Variants in CROCC2 observed in about 807,000 individuals in gnomAD.
CROCC2 encodes the protein ciliary rootlet coiled-coil, rootletin family member 2.
CROCC2 carries 163 observed loss-of-function variants against 177.6 expected under a neutral mutation model. The ratio of observed to expected loss-of-function variants is 0.92; its 90% CI spans 0.81 to 1.05. CROCC2 has a LOEUF of 1.05. Ranked by LOEUF, CROCC2 falls within the 50% of genes least tolerant of loss-of-function variation. The pLI, the probability that CROCC2 is intolerant of heterozygous loss-of-function variation, is 0.00. For synonymous variants in CROCC2, 904 were observed against 787.3 expected, an observed-to-expected ratio of 1.15 and a Z score of -2.48; for missense variants, 1,929 against 1,797.8, an observed-to-expected ratio of 1.07 and a Z score of -1.32.
At position 240,954,675 on chromosome 2, in the gene CROCC2, G is replaced by C. The variant is rs181777969; in HGVS notation, c.2830-1184G>C. 7.2e-5 allele frequency: 11 copies of C among 152,326 alleles called. No individual in the cohort carries two copies. In the East Asian group the frequency reaches 2.1e-3, roughly 29 times the overall value. The allele number at this position is 152,326 out of a possible 1,614,324, so 9.4% of individuals were successfully genotyped here. ...GTGTAACGTGATCGGTGGAGTGATT[G>C]GTTAGGTGATTGAAGCCCACTTCTC... On this transcript the variant is annotated intron_variant, in intron 18 of 31. Coordinates refer to ENST00000690015, the MANE Select transcript of CROCC2 (RefSeq NM_001351305.2).
chr2:240,935,218 C>A, intron 13 of CROCC2, 140 bp from the exon 14 acceptor site: 1 of 1,196,742 alleles, frequency 8.4e-7, no homozygotes. Flanking sequence ...CCTGGCCAGG[C>A]CTGAGGGAGG....
chr2:240,935,124 T>A, intron 13 of CROCC2, 62 bp downstream of exon 13: 1 of 1,323,824 alleles, frequency 7.6e-7, no homozygotes, highest in Non-Finnish European at 9.7e-7. Flanking sequence ...GCTGTGGGTC[T>A]CCCAGCCCTA....
intron 18 of CROCC2, chr2:240,950,914 G>C (rs111067640): frequency 0.21 from 30,417 of 147,054 alleles, 6,672 homozygotes; most frequent in African/African-American, 0.43. Flanking sequence ...CATCCATCCA[G>C]CCATCCATCC....
At chr2:240,968,294 G>C (rs2059698438) in intron 27 of CROCC2, 32 bp downstream of exon 27, 16 of 1,510,490 alleles carry the variant, frequency 1.1e-5, no homozygotes, top group Non-Finnish European at 1.4e-5. Flanking sequence ...GTCCCAGGTG[G>C]GGCACAAGAA....
At chr2:240,947,184 G>A (rs1294767566) in intron 15 of CROCC2, among the ~76,000 whole-genome samples, 2 of 152,232 alleles carry the variant, frequency 1.3e-5, no homozygotes, top group Non-Finnish European at 2.9e-5. Flanking sequence ...TGGGATCCTC[G>A]AGCTTCACAG....
At chr2:240,965,107 C>T (rs1484619205) in intron 22 of CROCC2, among the ~76,000 whole-genome samples, 1 of 152,216 alleles carries the variant, frequency 6.6e-6, no homozygotes, top group Non-Finnish European at 1.5e-5. Flanking sequence ...CCACTGCCCA[C>T]ACTCCCTAAT....
chr2:240,956,105 A>G, intron 19 of CROCC2, 133 bp downstream of exon 19: 1 of 670,650 alleles, frequency 1.5e-6, no homozygotes, highest in Non-Finnish European at 2.6e-6. Flanking sequence ...AGTTTCCCCC[A>G]GGTGCCTCCA....
Position 240,972,301 on chromosome 2 carries a change from G to A in CROCC2, c.4401+4039G>A, listed in dbSNP as rs887263196. ...CAGGGAGCCATGGGGAATATGGGGAGCCAGCAGTGGAGTTCTGGCCCTCCC... is the reference window on the plus strand; with the variant it reads ...CAGGGAGCCATGGGGAATATGGGGAACCAGCAGTGGAGTTCTGGCCCTCCC... On this transcript the variant is annotated intron_variant, in intron 27 of 31. Transcript: ENST00000690015. The surrounding 1 kb of genome is among the most constrained non-coding windows in gnomAD (Gnocchi z 7.1). 3.9e-5 allele frequency among the ~76,000 whole-genome samples: 6 copies of A among 152,178 alleles called. No homozygotes were observed. Among genetic ancestry groups the A allele is most frequent in the South Asian group, 2.1e-4 (1 of 4,820 alleles).
chr2:240,941,217 A>G (rs111305320), intron 14 of CROCC2, among the ~76,000 whole-genome samples: 10 of 152,340 alleles, frequency 6.6e-5, no homozygotes, highest in African/African-American at 2.4e-4. Flanking sequence ...TCCTATGCTC[A>G]TGGACGAGTA....
chr2:240,949,003 C>T lies in CROCC2; in HGVS notation c.2388C>T (p.Ser796=). ...GGGTGGAGAGGGACTCCCTGGAGAG[C>T]AGCCTCCTTGAGGCCCAACAGCTGG... ...DLRVERDSLE[S]SLLEAQQLAT... The change falls in exon 16 of 32, where the codon AGC becomes AGT. Residue 796 remains serine (S), a synonymous_variant. Coordinates refer to ENST00000690015, the MANE Select transcript of CROCC2 (RefSeq NM_001351305.2). The surrounding 1 kb of genome is among the most constrained non-coding windows in gnomAD (Gnocchi z 4.5). 6.5e-7 allele frequency: 1 copy of T among 1,550,320 alleles called. No individual in the cohort carries two copies. The highest frequency in any genetic ancestry group is 8.7e-7 in the Non-Finnish European group (1 of 1,146,922).
At position 240,921,290 on chromosome 2, in the gene CROCC2, C is replaced by T. The variant is rs377083701; in HGVS notation, c.381+1156C>T. Among the ~76,000 whole-genome samples, 89 of 152,280 alleles carry T rather than the reference C, an allele frequency of 5.8e-4. 1 individual carries two copies. Among genetic ancestry groups the T allele is most frequent in the African/African-American group, 1.8e-3 (75 of 41,554 alleles). On this transcript the variant is annotated intron_variant, in intron 3 of 31. Coordinates refer to ENST00000690015, the MANE Select transcript of CROCC2 (RefSeq NM_001351305.2). Reference sequence around the variant, plus strand: ...GTTCTATCACGCCCTGACCCCCACACGGGAAACACGTTTCCATCCATTGTT... The same window carrying T: ...GTTCTATCACGCCCTGACCCCCACATGGGAAACACGTTTCCATCCATTGTT...
At chr2:240,912,080 TA>T (rs1342346943) in intron 1 of CROCC2, among the ~76,000 whole-genome samples, 1 of 152,216 alleles carries the variant, frequency 6.6e-6, no homozygotes, top group Non-Finnish European at 1.5e-5. Flanking sequence ...TCTTCCGTAG[TA>T]ACCGCACCGT....
intron 27 of CROCC2, among the ~76,000 whole-genome samples, chr2:240,976,116 A>T (rs1212526231): frequency 6.6e-6 from 1 of 152,272 alleles, no homozygotes; most frequent in Non-Finnish European, 1.5e-5. Context: ...GCAGCCCCAC[A>T]TGCTGGCTCC....
At chr2:240,988,312 C>A (rs975959796) in intron 28 of CROCC2, among the ~76,000 whole-genome samples, 3 of 152,188 alleles carry the variant, frequency 2.0e-5, no homozygotes, top group Non-Finnish European at 4.4e-5. Context: ...AGGGCCTGTG[C>A]CTGTACGAGC....
At chr2:240,930,056 G>C (rs1461452853) in intron 5 of CROCC2, 110 bp from the exon 6 acceptor site, 1 of 519,470 alleles carries the variant, frequency 1.9e-6, no homozygotes, top group African/African-American at 1.9e-5. Context: ...TTGGGATGCT[G>C]GGTCCACTTC....
In CROCC2 at chr2:240,953,247, T is replaced by TAA. The variant is rs36123494; in HGVS notation, c.2830-2603_2830-2602dup. ...CAACATGGTGAAACCCCGTCTCTAC[T>TAA]AAAAAAAAAATACAAAAATTAGCTG... On this transcript the variant is annotated intron_variant, in intron 18 of 31. Coordinates refer to ENST00000690015, the MANE Select transcript of CROCC2 (RefSeq NM_001351305.2). This position sits in a 1 kb window ranked among gnomAD's most constrained non-coding sequence, Gnocchi z 4.0. Among the ~76,000 whole-genome samples the TAA allele has an allele frequency of 1.8e-4, 27 of 149,234 alleles. No individual in the cohort carries two copies. Among genetic ancestry groups the TAA allele is most frequent in the African/African-American group, 5.2e-4 (21 of 40,734 alleles).
Position 240,922,537 on chromosome 2 carries a change from AGCTGCAG to A in CROCC2, c.383_389del (p.Leu128ProfsTer41). On this transcript the variant is annotated splice_acceptor_variant and coding_sequence_variant, in exon 4 of 32. Coordinates refer to ENST00000690015, the MANE Select transcript of CROCC2 (RefSeq NM_001351305.2). LOFTEE classifies it high-confidence loss of function. The stretch of plus-strand genomic sequence containing the variant: ...ACCAGGTGGGCTATTGCTCCTCCCC[AGCTGCAG>A]GCCCGGCTGGAGACCACCGAGGCTC... 1 of 694,920 alleles carries A rather than the reference AGCTGCAG, an allele frequency of 1.4e-6. No individual in the cohort carries two copies. The highest frequency in any genetic ancestry group is 2.8e-5 in the East Asian group (1 of 35,826). The allele number at this position is 694,920 out of a possible 1,614,324, so 43.0% of individuals were successfully genotyped here. A position where few individuals can be genotyped will look rare whatever the true frequency, so the allele number is the denominator to read the frequency against.
Position 240,948,967 on chromosome 2 carries a change from G to A in CROCC2, c.2364-12G>A. ...GGGGATGACTTGCCCATTGTTTGCT[G>A]CATCTTTGCAGGGTGGAGAGGGACT... On this transcript the variant is annotated splice_polypyrimidine_tract_variant and intron_variant, in intron 15 of 31. Coordinates refer to ENST00000690015, the MANE Select transcript of CROCC2 (RefSeq NM_001351305.2). 1 of 1,550,326 alleles carries A rather than the reference G, an allele frequency of 6.5e-7. No homozygotes were observed. The highest frequency in any genetic ancestry group is 2.4e-5 in the East Asian group (1 of 40,918).
chr2:240,969,663 A>G (rs1373643443), intron 27 of CROCC2, among the ~76,000 whole-genome samples: 1 of 152,222 alleles, frequency 6.6e-6, no homozygotes, highest in Non-Finnish European at 1.5e-5. Context: ...AGTCACATGT[A>G]TGTCTCCCAC....
Sources: allele counts gnomAD v4.1 joint callset (sites outside exome capture counted in the v4.1 genomes callset), GRCh38; gene constraint gnomAD v4.1.1; non-coding constraint Gnocchi (gnomAD v3.1); transcripts MANE v1.5; gene names NCBI Gene and HGNC (gene_info 2026-07-23, HGNC 2026-07-21).